The following PARPBP variants were observed in gnomAD, a reference collection of about 807,000 sequenced individuals.
The protein encoded by PARPBP is PARP1 binding protein.
PARPBP carries 52 observed loss-of-function variants against 50.0 expected under a neutral mutation model. The observed-to-expected ratio is 1.04, with a 90% CI of 0.83 to 1.31. The LOEUF is 1.31. Ranked by LOEUF, PARPBP falls within the 50% of genes most tolerant of loss-of-function variation. The pLI is 0.00. For synonymous variants in PARPBP, 244 were observed against 232.1 expected (o/e 1.05, Z -0.47); for missense variants, 697 against 672.0 (o/e 1.04, Z -0.41).
chr12:102,195,344 T>G lies in PARPBP; in HGVS notation c.1296T>G (p.Ala432=). 3 of 1,576,460 alleles carry G rather than the reference T, an allele frequency of 1.9e-6. No individual in the cohort carries two copies. The East Asian group carries it at 6.8e-5, about 36-fold the overall frequency. The stretch of plus-strand genomic sequence containing the variant: ...AAACTTTAATTAGATCCCAATTTGC[T>G]TGTACTTATAAAGATGACTACATGA... ...MKQTLIRSQF[A]CTYKDDYMIS... Residue 432 remains alanine (A), a synonymous_variant, in exon 10 of 11, where the codon GCT becomes GCG. Coordinates refer to ENST00000327680, the MANE Select transcript of PARPBP (RefSeq NM_017915.5).
chr12:102,161,159 G>T (rs76456282), intron 4 of PARPBP, among the ~76,000 whole-genome samples: 1 of 151,258 alleles, frequency 6.6e-6, no homozygotes. Context: ...AGGCTGGAGT[G>T]CAGTAGCATT....
At chr12:102,186,039 G>A (rs1890269327) in intron 9 of PARPBP, among the ~76,000 whole-genome samples, 1 of 152,046 alleles carries the variant, frequency 6.6e-6, no homozygotes, top group African/African-American at 2.4e-5. Context: ...TTCAATCTTG[G>A]TAGATTGTGT....
chr12:102,136,753 T>C (rs1279059758), intron 2 of PARPBP, among the ~76,000 whole-genome samples: 2 of 152,204 alleles, frequency 1.3e-5, no homozygotes, highest in African/African-American at 4.8e-5. Context: ...AAGAGTTAGC[T>C]TAGGCATCCT....
At position 102,175,571 on chromosome 12, in the gene PARPBP, G is replaced by A; in HGVS notation, c.910G>A (p.Glu304Lys). 6.2e-7 allele frequency: 1 copy of A among 1,612,680 alleles called. No individual in the cohort carries two copies. The highest frequency in any genetic ancestry group is 2.2e-5 in the East Asian group (1 of 44,836). ...SRDPFCKAIE[E>K]VAQDLDLRIK... is the part of the protein sequence containing the mutation. ...GGATCCTTTTTGCAAAGCAATAGAG[G>A]AAGTTGCTCAGGATTTGGATTTGAG... is the stretch of plus-strand genomic sequence containing the variant. Residue 304 changes from glutamate to lysine, a missense_variant, in exon 7 of 11, where the codon GAA (glutamate) becomes AAA (lysine). Coordinates refer to ENST00000327680, the MANE Select transcript of PARPBP (RefSeq NM_017915.5).
chr12:102,174,512 G>T (rs1026879738), intron 6 of PARPBP, among the ~76,000 whole-genome samples: 3 of 152,158 alleles, frequency 2.0e-5, no homozygotes, highest in African/African-American at 7.2e-5. Flanking sequence ...CTACAAAAGA[G>T]AAATTTAATA....
chr12:102,131,659 G>A (rs534826146), intron 2 of PARPBP, among the ~76,000 whole-genome samples: 5 of 152,230 alleles, frequency 3.3e-5, no homozygotes, highest in South Asian at 4.1e-4. Flanking sequence ...CTCTACAGCC[G>A]TAAAAAAGAA....
chr12:102,161,388 G>C (rs536049715), intron 4 of PARPBP, among the ~76,000 whole-genome samples: 28 of 152,046 alleles, frequency 1.8e-4, no homozygotes, highest in Non-Finnish European at 3.5e-4. Flanking sequence ...TTACAGGTGT[G>C]AGCCACCACA....
In PARPBP at chr12:102,197,209, A is replaced by G. The variant is rs1891390102; in HGVS notation, c.*918A>G. The G allele has an allele frequency of 6.9e-7, 1 of 1,443,166 alleles. No homozygotes were observed. Among genetic ancestry groups the G allele is most frequent in the African/African-American group, 1.4e-5 (1 of 71,246 alleles). The allele number at this position is 1,443,166 out of a possible 1,614,324, so 89.4% of individuals were successfully genotyped here. On this transcript the variant is annotated 3_prime_UTR_variant, in exon 11 of 11. Transcript: ENST00000327680. ...GGTTGATTTGGTTTTTAGCTATCGT[A>G]TTCGGAGTGGAACTATAATACAATT...
chr12:102,169,006 A>G (rs1181865902), intron 6 of PARPBP, among the ~76,000 whole-genome samples: 2 of 152,168 alleles, frequency 1.3e-5, no homozygotes, highest in South Asian at 2.1e-4. Flanking sequence ...AGTAAACTCA[A>G]TGAGAGTTTA....
chr12:102,181,761 C>T (rs2136944688), intron 8 of PARPBP, among the ~76,000 whole-genome samples: 1 of 152,096 alleles, frequency 6.6e-6, no homozygotes, highest in South Asian at 2.1e-4. Flanking sequence ...AACAAAACAC[C>T]CCAGACTAGA....
At chr12:102,176,297 A>G (rs1277218884) in intron 7 of PARPBP, among the ~76,000 whole-genome samples, 1 of 152,166 alleles carries the variant, frequency 6.6e-6, no homozygotes, top group African/African-American at 2.4e-5. Context: ...ATTCTCATAA[A>G]CAATTACTTT....
chr12:102,162,831 A>G (rs1887738539), intron 4 of PARPBP, among the ~76,000 whole-genome samples: 1 of 152,164 alleles, frequency 6.6e-6, no homozygotes, highest in Non-Finnish European at 1.5e-5. Context: ...AAAAGAAAAA[A>G]AAAAAAGGAA....
At chr12:102,129,111 A>G (rs1007688163) in intron 2 of PARPBP, among the ~76,000 whole-genome samples, 13 of 152,104 alleles carry the variant, frequency 8.5e-5, no homozygotes, top group African/African-American at 3.1e-4. Flanking sequence ...GGAAATGTCT[A>G]TTCAGATCCT....
At chr12:102,163,156 T>G (rs555711502) in intron 4 of PARPBP, among the ~76,000 whole-genome samples, 39 of 152,364 alleles carry the variant, frequency 2.6e-4, no homozygotes, top group African/African-American at 9.4e-4. Context: ...AAAATCAGAT[T>G]GCTATATTTG....
intron 2 of PARPBP, among the ~76,000 whole-genome samples, chr12:102,138,599 T>C (rs910145934): frequency 4.6e-5 from 7 of 152,216 alleles, no homozygotes; most frequent in Non-Finnish European, 1.0e-4. Flanking sequence ...TAGGTTTTCT[T>C]GTAGGGTTTT....
intron 4 of PARPBP, among the ~76,000 whole-genome samples, chr12:102,159,830 A>G (rs1245846910): frequency 4.6e-5 from 7 of 152,216 alleles, no homozygotes; most frequent in African/African-American, 1.7e-4. Context: ...GCTTAGAAAA[A>G]CTGACTTTCT....
At chr12:102,179,135 A>G (rs1020135018) in intron 8 of PARPBP, among the ~76,000 whole-genome samples, 1 of 152,194 alleles carries the variant, frequency 6.6e-6, no homozygotes, top group Admixed American at 6.5e-5. Context: ...TCCACTTTAT[A>G]AGTGAAGAAT....
rs555868582 is a variant in PARPBP at position 102,157,540 on chromosome 12, T to TA, written c.495+3565dup. 1.9e-4 allele frequency among the ~76,000 whole-genome samples: 29 copies of TA among 152,288 alleles called. No homozygotes were observed. In the South Asian group the frequency reaches 6.0e-3, roughly 32 times the overall value. ...TGTATTTCCAATAAACTGGAAGTGA[T>TA]ATCTGAAATCTTGCTTAGATTTTGG... is the stretch of plus-strand genomic sequence containing the variant. On this transcript the variant is annotated intron_variant, in intron 4 of 10. Coordinates refer to ENST00000327680, the MANE Select transcript of PARPBP (RefSeq NM_017915.5).
At chr12:102,173,898 T>G (rs896287762) in intron 6 of PARPBP, among the ~76,000 whole-genome samples, 1 of 147,260 alleles carries the variant, frequency 6.8e-6, no homozygotes, top group Non-Finnish European at 1.5e-5. Flanking sequence ...TTCGGTGATA[T>G]GTTCTTCAGG....
Sources: gnomAD v4.1 joint callset for allele counts (sites outside exome capture counted in the v4.1 genomes callset) on GRCh38, gnomAD v4.1.1 for gene constraint, MANE v1.5 for transcripts, NCBI Gene and HGNC (gene_info 2026-07-23, HGNC 2026-07-21) for gene names.